GRIP1: variants seen among roughly 807,000 people sequenced by gnomAD.
The protein encoded by GRIP1 is glutamate receptor-interacting protein 1.
Under a neutral mutation model 129.9 loss-of-function variants are expected in GRIP1, and 45 were observed. The observed-to-expected ratio is 0.35, with a 90% confidence interval of 0.27 to 0.44. The LOEUF (loss-of-function observed/expected upper bound fraction) is 0.44, where lower values mean the gene tolerates loss of function less well. Among genes scored for constraint, GRIP1 ranks in the 20% least tolerant of loss-of-function variants. GRIP1 has a pLI of 1.00. For missense variants in GRIP1, 1,196 were observed against 1,396.8 expected, an observed-to-expected ratio of 0.86 and a Z score of 2.29; for synonymous variants, 530 against 520.8, an observed-to-expected ratio of 1.02 and a Z score of -0.24.
At chr12:67,063,694 T>A (rs980451230) in intron 1 of GRIP1, among the ~76,000 whole-genome samples, 1 of 152,234 alleles carries the variant, frequency 6.6e-6, no homozygotes, top group African/African-American at 2.4e-5. Context: ...TAGTTTGCCA[T>A]CTGCAGCATT....
rs564334797 is a variant in GRIP1, at chr12:66,650,991, G to T, written c.55+27859C>A. On this transcript the variant is annotated intron_variant, in intron 1 of 24. Coordinates refer to ENST00000359742, the MANE Select transcript of GRIP1 (RefSeq NM_001366722.1). ...CATAGCACTGCTGTAAGGACTAAAA[G>T]GGTTAATATGAGTAAAATATTTAAG... Among the ~76,000 whole-genome samples the T allele has an allele frequency of 1.6e-4, 25 of 152,288 alleles. No homozygotes were observed. In the South Asian group the frequency reaches 4.8e-3, roughly 29 times the overall value.
At chr12:66,760,400 G>A (rs1320666593) in intron 1 of GRIP1, among the ~76,000 whole-genome samples, 1 of 152,160 alleles carries the variant, frequency 6.6e-6, no homozygotes, top group Non-Finnish European at 1.5e-5. Flanking sequence ...AATAAAAAGA[G>A]GTTTAATTGG....
At chr12:66,878,393 T>C (rs1165161799) in intron 1 of GRIP1, among the ~76,000 whole-genome samples, 5 of 151,610 alleles carry the variant, frequency 3.3e-5, no homozygotes, top group African/African-American at 1.2e-4. Flanking sequence ...AAAGAAGAGC[T>C]TTCATAAGCA....
chr12:66,626,525 T>C (rs2030071962), intron 1 of GRIP1: 1 of 152,200 alleles, frequency 6.6e-6, no homozygotes, highest in African/African-American at 2.4e-5. Flanking sequence ...TTAAATGTCT[T>C]GAATATAAAC....
At chr12:66,668,480 GT>G (rs2033911186) in intron 1 of GRIP1, among the ~76,000 whole-genome samples, 1 of 152,214 alleles carries the variant, frequency 6.6e-6, no homozygotes, top group East Asian at 1.9e-4. Flanking sequence ...CAGCTGCCTG[GT>G]GCTGTTTCTG....
chr12:66,776,183 T>A (rs543562620), intron 1 of GRIP1, among the ~76,000 whole-genome samples: 3 of 152,218 alleles, frequency 2.0e-5, no homozygotes, highest in Non-Finnish European at 4.4e-5. Flanking sequence ...AGTTTCAAGA[T>A]GACAAAACAG....
upstream of GRIP1, among the ~76,000 whole-genome samples, chr12:66,804,430 AT>A (rs898134257): frequency 4.1e-4 from 62 of 151,230 alleles, no homozygotes; most frequent in African/African-American, 1.4e-3. Flanking sequence ...CAAATCTGTA[AT>A]TTTTTTAAAA....
chr12:66,477,072 A>G, intron 7 of GRIP1, among the ~76,000 whole-genome samples: 1 of 152,186 alleles, frequency 6.6e-6, no homozygotes, highest in Non-Finnish European at 1.5e-5. Flanking sequence ...CAATTAGGAA[A>G]AGAGGAAGTC....
Position 66,371,856 on chromosome 12 carries a change from T to A in GRIP1, c.2850A>T (p.Arg950=). 6.2e-7 allele frequency: 1 copy of A among 1,613,780 alleles called. No homozygotes were observed. The highest frequency in any genetic ancestry group is 1.1e-5 in the South Asian group (1 of 91,072). ...EAPTPRSQLG[R]QASFQERSSS... is the part of the protein sequence containing the mutation. ...TGCTGCGCTCCTGGAAGCTGGCCTG[T>A]CGCCCCAGCTGACTGCGAGGTGTTG... Residue 950 remains arginine, a synonymous_variant, in exon 23 of 25, where the codon CGA becomes CGT. Transcript: ENST00000359742.
chr12:66,521,734 G>C (rs1165258455), intron 5 of GRIP1, among the ~76,000 whole-genome samples: 1 of 152,232 alleles, frequency 6.6e-6, no homozygotes, highest in African/African-American at 2.4e-5. Context: ...CAAGGGGTCA[G>C]GGAGTTCCCT....
chr12:66,606,430 C>A (rs1018801073), intron 1 of GRIP1, among the ~76,000 whole-genome samples: 8 of 152,110 alleles, frequency 5.3e-5, no homozygotes, highest in African/African-American at 1.7e-4. Context: ...TCTTAGAGAT[C>A]TGTTATTTCA....
At chr12:66,700,679 T>TG (rs995582039) in intron 1 of GRIP1, among the ~76,000 whole-genome samples, 4 of 151,878 alleles carry the variant, frequency 2.6e-5, no homozygotes, top group Admixed American at 1.3e-4. Flanking sequence ...AAGGATAGGC[T>TG]GGGGGGGAGA....
intron 1 of GRIP1, among the ~76,000 whole-genome samples, chr12:66,882,467 C>A (rs536759855): frequency 6.6e-6 from 1 of 152,224 alleles, no homozygotes; most frequent in East Asian, 1.9e-4. Flanking sequence ...TGAACCGAAG[C>A]CAATTTTAGC....
At chr12:66,385,682 TC>T (rs2056328168) in intron 19 of GRIP1, among the ~76,000 whole-genome samples, 1 of 152,144 alleles carries the variant, frequency 6.6e-6, no homozygotes, top group Non-Finnish European at 1.5e-5. Flanking sequence ...TGACCTTGGC[TC>T]ACTGTAACCT....
intron 1 of GRIP1, among the ~76,000 whole-genome samples, chr12:67,022,274 AT>A (rs1463707814): frequency 8.5e-5 from 13 of 152,172 alleles, no homozygotes; most frequent in Non-Finnish European, 1.8e-4. Flanking sequence ...ACCATTCTTT[AT>A]AGTGGCTGTG....
intron 1 of GRIP1, among the ~76,000 whole-genome samples, chr12:66,797,801 CT>C (rs1374290364): frequency 1.3e-5 from 2 of 152,086 alleles, no homozygotes. Context: ...TGTCTGTCTC[CT>C]TTGGATGTGG....
At chr12:66,826,917 G>C (rs1011276616) in intron 1 of GRIP1, among the ~76,000 whole-genome samples, 3 of 151,812 alleles carry the variant, frequency 2.0e-5, no homozygotes, top group African/African-American at 7.3e-5. Flanking sequence ...AGAGAGTATT[G>C]GTAGAGGGAA....
At chr12:66,881,085 T>C (rs2040470784) in intron 1 of GRIP1, among the ~76,000 whole-genome samples, 1 of 152,078 alleles carries the variant, frequency 6.6e-6, no homozygotes, top group Non-Finnish European at 1.5e-5. Context: ...TTCCTTTCAT[T>C]TATTAATTTC....
rs909310056 is a variant in GRIP1 at position 66,539,294 on chromosome 12, T to C, written c.273-71A>G. 6 of 1,594,406 alleles carry C rather than the reference T, an allele frequency of 3.8e-6. No homozygotes were observed. The Admixed American group carries it at 1.0e-4, about 27-fold the overall frequency. ...GGCCAGTCTGACTATATTTCCACTT[T>C]CCCTTCATGGTAAGCATGCAAGTGT... On this transcript the variant is annotated intron_variant, in intron 3 of 24. Transcript: ENST00000359742.
Sources: gnomAD v4.1 joint callset for allele counts (sites outside exome capture counted in the v4.1 genomes callset) on GRCh38, gnomAD v4.1.1 for gene constraint, MANE v1.5 for transcripts, NCBI Gene and HGNC (gene_info 2026-07-23, HGNC 2026-07-21) for gene names.